Variants in ZNF775 observed in about 807,000 individuals in gnomAD.
ZNF775 encodes zinc finger protein 775.
In ZNF775, 1 loss-of-function variant was observed where a neutral mutation model predicts 2.4. That is an observed-to-expected ratio of 0.41 (90% CI 0.15 to 1.94). The LOEUF (loss-of-function observed/expected upper bound fraction) is 1.94, where lower values mean the gene tolerates loss of function less well. ZNF775 is among the 30% of genes most tolerant of loss of function. The pLI is 0.30. For synonymous variants in ZNF775, 381 were observed against 373.3 expected, an observed-to-expected ratio of 1.02 and a Z score of -0.24; for missense variants, 823 against 826.6, an observed-to-expected ratio of 1.00 and a Z score of 0.05.
rs986266263 is a variant in ZNF775, at chr7:150,397,178, G to C, written c.697G>C (p.Ala233Pro). 272 of 1,330,224 alleles carry C rather than the reference G, an allele frequency of 2.0e-4. 1 individual carries two copies. The highest frequency in any genetic ancestry group is 2.6e-4 in the Non-Finnish European group (269 of 1,045,826). The allele number at this position is 1,330,224 out of a possible 1,614,324, so 82.4% of individuals were successfully genotyped here. A position where few individuals can be genotyped will look rare whatever the true frequency, so the allele number is the denominator to read the frequency against. The change falls in exon 3 of 3, where the codon GCG (alanine) becomes CCG (proline). Residue 233 changes from alanine (A) to proline (P), a missense_variant. Physicochemically the swap from Ala to Pro is conservative, Grantham distance 27. Coordinates refer to ENST00000329630, the MANE Select transcript of ZNF775 (RefSeq NM_173680.4). ...GCACGAGCTGATTCAGGACGCGGCG[G>C]CGCGCCGGGCCTGTCGCCTGCAGCC... is the stretch of plus-strand genomic sequence containing the variant. ...GLHELIQDAA[A>P]RRACRLQPGP...
chr7:150,387,452 C>G (rs1013254255), intron 1 of ZNF775, among the ~76,000 whole-genome samples: 2 of 152,082 alleles, frequency 1.3e-5, no homozygotes, highest in Non-Finnish European at 2.9e-5. Context: ...AGCAGTGTGA[C>G]CTGTCCTGTC....
chr7:150,394,494 G>C (rs1391577035), intron 2 of ZNF775, among the ~76,000 whole-genome samples: 4 of 152,118 alleles, frequency 2.6e-5, no homozygotes, highest in African/African-American at 4.8e-5. Context: ...CTGATTTCAG[G>C]GATGGTGAGC....
rs1800702847 is a variant in ZNF775 at position 150,397,722 on chromosome 7, C to T, written c.1241C>T (p.Ala414Val). 1.4e-6 allele frequency: 2 copies of T among 1,411,954 alleles called. No individual in the cohort carries two copies. Among genetic ancestry groups the T allele is most frequent in the East Asian group, 3.0e-5 (1 of 33,700 alleles). 87.5% of individuals were successfully genotyped at this position (1,411,954 alleles called of 1,614,324 possible). ...GCCGAGGCCATCCCGGGCTTGGCCG[C>T]GAGGCCGCGGAGCTCCCAACGGTCC... Reference protein sequence around the residue: ...PQAEAIPGLAARPRSSQRSPG... With the variant: ...PQAEAIPGLAVRPRSSQRSPG... The change falls in exon 3 of 3, where the codon GCG (alanine) becomes GTG (valine). Residue 414 changes from alanine (A) to valine (V), a missense_variant. Transcript: ENST00000329630.
rs764920553 is a variant in ZNF775, at chr7:150,398,048, G to A, written c.1567G>A (p.Val523Met). Reference protein sequence around the residue: ...QKQHLLKHQRVHRAAPACSPK... With the variant: ...QKQHLLKHQRMHRAAPACSPK... ...GCAGCACCTGCTCAAGCACCAGCGCGTGCACCGCGCGGCCCCTGCGTGCAG... is the reference window on the plus strand; with the variant it reads ...GCAGCACCTGCTCAAGCACCAGCGCATGCACCGCGCGGCCCCTGCGTGCAG... Residue 523 changes from valine (V) to methionine (M), a missense_variant, in exon 3 of 3, where the codon GTG (valine) becomes ATG (methionine). By Grantham distance (21) the Val-to-Met change is conservative (BLOSUM62 1). Transcript: ENST00000329630. 12 of 1,570,286 alleles carry A rather than the reference G, an allele frequency of 7.6e-6. No individual in the cohort carries two copies. Among genetic ancestry groups the A allele is most frequent in the South Asian group, 4.6e-5 (4 of 87,640 alleles).
chr7:150,385,020 C>G (rs773263904), intron 1 of ZNF775, among the ~76,000 whole-genome samples: 4 of 152,204 alleles, frequency 2.6e-5, no homozygotes, highest in African/African-American at 9.7e-5. Flanking sequence ...TGTCCACTAG[C>G]CCCTCTGCGC....
At chr7:150,389,582 C>A (rs1037858039) in intron 2 of ZNF775, among the ~76,000 whole-genome samples, 2 of 152,226 alleles carry the variant, frequency 1.3e-5, no homozygotes, top group Admixed American at 6.5e-5. Flanking sequence ...AAGGCCCTTT[C>A]CCCAGATAGA....
At chr7:150,396,209 C>G (rs1313257030) in intron 2 of ZNF775, among the ~76,000 whole-genome samples, 2 of 152,134 alleles carry the variant, frequency 1.3e-5, no homozygotes, top group Non-Finnish European at 2.9e-5. Context: ...CCTCGGGGAT[C>G]CTGAGGCCTG....
intron 2 of ZNF775, among the ~76,000 whole-genome samples, chr7:150,394,822 T>G (rs908347420): frequency 4.6e-5 from 7 of 152,204 alleles, no homozygotes; most frequent in Non-Finnish European, 1.0e-4. Context: ...ATCTTTGCTT[T>G]CCTGGGGAAA....
In ZNF775 at chr7:150,398,282, G is replaced by A. The variant is rs1180917078; in HGVS notation, c.*187G>A. ...AAAGGGTGCTGGGAAAGGTCCCAGC[G>A]TGGGTTGAGGGAGGAGGGAAGATCC... is the stretch of plus-strand genomic sequence containing the variant. On this transcript the variant is annotated 3_prime_UTR_variant, in exon 3 of 3. Transcript: ENST00000329630. 2.9e-5 allele frequency: 29 copies of A among 996,218 alleles called. No homozygotes were observed. In the East Asian group the frequency reaches 6.2e-4, roughly 21 times the overall value. 61.7% of individuals were successfully genotyped at this position (996,218 alleles called of 1,614,324 possible).
rs1425299494 is a variant in ZNF775, at chr7:150,384,740, G to A, written c.-49-3682G>A. On this transcript the variant is annotated intron_variant, in intron 1 of 2. Coordinates refer to ENST00000329630, the MANE Select transcript of ZNF775 (RefSeq NM_173680.4). The surrounding 1 kb of genome is among the most constrained non-coding windows in gnomAD (Gnocchi z 4.1). ...CGTAAGCCACAGGCTGCTTCCCCTC[G>A]AGCCCTGGTATGGCCCGAGACAGAG... is the stretch of plus-strand genomic sequence containing the variant. 6.6e-6 allele frequency among the ~76,000 whole-genome samples: 1 copy of A among 152,032 alleles called. No individual in the cohort carries two copies. Among genetic ancestry groups the A allele is most frequent in the African/African-American group, 2.4e-5 (1 of 41,376 alleles).
At chr7:150,394,521 A>G (rs1215936176) in intron 2 of ZNF775, among the ~76,000 whole-genome samples, 1 of 151,798 alleles carries the variant, frequency 6.6e-6, no homozygotes, top group Middle Eastern at 3.2e-3. Flanking sequence ...TTTTGTTTCT[A>G]CCTGTAATGG....
chr7:150,381,555 A>T (rs887687351), intron 1 of ZNF775, among the ~76,000 whole-genome samples: 2 of 39,596 alleles, frequency 5.1e-5, no homozygotes, highest in Non-Finnish European at 1.1e-4. Flanking sequence ...CGCCATCCCC[A>T]CCCCCCACCG....
intron 1 of ZNF775, among the ~76,000 whole-genome samples, chr7:150,381,226 G>A (rs1185216333): frequency 6.6e-6 from 1 of 152,152 alleles, no homozygotes; most frequent in Non-Finnish European, 1.5e-5. Context: ...GTTCCAGCAA[G>A]CGTGTTTACC....
intron 1 of ZNF775, among the ~76,000 whole-genome samples, chr7:150,387,429 G>T (rs554889210): frequency 6.6e-6 from 1 of 152,278 alleles, no homozygotes; most frequent in Admixed American, 6.5e-5. Context: ...GCAAAGGCGT[G>T]GGGCATCCAC....
At chr7:150,396,230 T>G (rs1036708178) in intron 2 of ZNF775, among the ~76,000 whole-genome samples, 1 of 151,978 alleles carries the variant, frequency 6.6e-6, no homozygotes, top group African/African-American at 2.4e-5. Context: ...GGCACCCGAG[T>G]GATTCACTTA....
intron 1 of ZNF775, among the ~76,000 whole-genome samples, chr7:150,386,041 T>C (rs930269616): frequency 4.6e-5 from 7 of 152,098 alleles, no homozygotes; most frequent in Admixed American, 2.6e-4. Context: ...GTTCAAACAA[T>C]TTTCCTGTCT....
At chr7:150,385,098 G>C (rs1053142412) in intron 1 of ZNF775, among the ~76,000 whole-genome samples, 1 of 152,182 alleles carries the variant, frequency 6.6e-6, no homozygotes, top group Non-Finnish European at 1.5e-5. Flanking sequence ...GAAGCTCACA[G>C]AGTGGCCCCA....
chr7:150,385,878 T>G (rs1448365888), intron 1 of ZNF775, among the ~76,000 whole-genome samples: 1 of 152,200 alleles, frequency 6.6e-6, no homozygotes, highest in Non-Finnish European at 1.5e-5. Context: ...GGGTGATGTC[T>G]TCCTTGATAC....
chr7:150,392,284 A>ATT (rs1800572487), intron 2 of ZNF775, among the ~76,000 whole-genome samples: 1 of 152,212 alleles, frequency 6.6e-6, no homozygotes, highest in African/African-American at 2.4e-5. Flanking sequence ...GTCGATGAAT[A>ATT]GCCTTTTTCC....
Sources: gnomAD v4.1 joint callset for allele counts (sites outside exome capture counted in the v4.1 genomes callset) on GRCh38, gnomAD v4.1.1 for gene constraint, Gnocchi (gnomAD v3.1) non-coding constraint, MANE v1.5 for transcripts, NCBI Gene and HGNC (gene_info 2026-07-23, HGNC 2026-07-21) for gene names.